IGSF5: variants seen among roughly 807,000 people sequenced by gnomAD.
The protein encoded by IGSF5 is immunoglobulin superfamily 5 like.
IGSF5 carries 41 observed loss-of-function variants against 39.4 expected under a neutral mutation model. The ratio of observed to expected loss-of-function variants is 1.04; its 90% CI spans 0.81 to 1.35. The LOEUF (loss-of-function observed/expected upper bound fraction) is 1.35, where lower values mean the gene tolerates loss of function less well. Ranked by LOEUF, IGSF5 falls within the 40% of genes most tolerant of loss-of-function variation. The pLI, the probability that IGSF5 is intolerant of heterozygous loss-of-function variation, is 0.00. For synonymous variants in IGSF5, 183 were observed against 175.3 expected (o/e 1.04, Z -0.34); for missense variants, 487 against 494.6 (o/e 0.98, Z 0.15).
intron 6 of IGSF5, chr21:39,791,765 A>G: frequency 2.5e-6 from 1 of 405,872 alleles, no homozygotes; most frequent in Non-Finnish European, 4.5e-6. Flanking sequence ...TTGAGTAACA[A>G]CTGGGGAGTA....
intron 1 of IGSF5, among the ~76,000 whole-genome samples, 165 bp from the exon 2 acceptor site, chr21:39,746,051 T>G (rs562501030): frequency 5.3e-4 from 81 of 152,178 alleles, no homozygotes; most frequent in Non-Finnish European, 9.7e-4. Context: ...GGCCATGCGG[T>G]GAGTGTTATA....
intron 3 of IGSF5, among the ~76,000 whole-genome samples, chr21:39,767,723 T>C (rs923841116): frequency 1.3e-5 from 2 of 152,290 alleles, no homozygotes; most frequent in South Asian, 2.1e-4. Context: ...ATAATGCAAG[T>C]TGCACAAATA....
the IGSF5 span, among the ~76,000 whole-genome samples, chr21:39,732,685 T>A: frequency 6.6e-6 from 1 of 152,146 alleles, no homozygotes; most frequent in Admixed American, 6.5e-5. Context: ...AAGTGAGAAA[T>A]GTTTTGACAT....
At chr21:39,793,107 T>C (rs2086975174) in intron 7 of IGSF5, among the ~76,000 whole-genome samples, 2 of 152,246 alleles carry the variant, frequency 1.3e-5, no homozygotes, top group Non-Finnish European at 2.9e-5. Flanking sequence ...TTTCCTTTGA[T>C]AATCTGACCA....
chr21:39,742,350 C>A (rs929362275), upstream of IGSF5, among the ~76,000 whole-genome samples: 1 of 152,136 alleles, frequency 6.6e-6, no homozygotes, highest in Admixed American at 6.6e-5. Flanking sequence ...TCCTAGGACC[C>A]CTCGGATAGT....
At chr21:39,745,614 C>G in intron 1 of IGSF5, 88 bp downstream of exon 1, 1 of 693,514 alleles carries the variant, frequency 1.4e-6, no homozygotes. Context: ...GTTGGGACGA[C>G]AGCTTTCTGC....
At chr21:39,748,729 G>T in intron 2 of IGSF5, among the ~76,000 whole-genome samples, 1 of 152,162 alleles carries the variant, frequency 6.6e-6, no homozygotes, top group East Asian at 1.9e-4. Flanking sequence ...ATAGAAGCTA[G>T]AAAATAATGT....
chr21:39,793,626 AT>A lies in IGSF5; in HGVS notation c.1128+17del. 1.2e-6 allele frequency: 2 copies of A among 1,605,862 alleles called. No homozygotes were observed. The highest frequency in any genetic ancestry group is 1.7e-6 in the Non-Finnish European group (2 of 1,174,940). On this transcript the variant is annotated intron_variant, in intron 8 of 8. Coordinates refer to ENST00000380588, the MANE Select transcript of IGSF5 (RefSeq NM_001080444.2). ...CCCTCCTCACCAGGTAGTTTAGACC[AT>A]TTTCCCCCTTTTTGGACTTTTTTGG...
chr21:39,783,778 C>A (rs1212431250), intron 5 of IGSF5, among the ~76,000 whole-genome samples: 2 of 152,166 alleles, frequency 1.3e-5, no homozygotes, highest in African/African-American at 2.4e-5. Context: ...GAAGACTTAG[C>A]CATAAAATCT....
Position 39,765,761 on chromosome 21 carries a change from C to T in IGSF5, c.327C>T (p.Ile109=). 1 of 1,614,110 alleles carries T rather than the reference C, an allele frequency of 6.2e-7. No individual in the cohort carries two copies. The highest frequency in any genetic ancestry group is 8.5e-7 in the Non-Finnish European group (1 of 1,180,004). Residue 109 remains isoleucine, a synonymous_variant, in exon 3 of 9, where the codon ATC becomes ATT. Coordinates refer to ENST00000380588, the MANE Select transcript of IGSF5 (RefSeq NM_001080444.2). The part of the protein sequence containing the change: ...DQGGNFTSEM[I]IHNVEPSDSG... ...GCGGGAACTTCACCTCGGAGATGAT[C>T]ATCCACAATGTGGAGCCCAGTGATT...
At chr21:39,785,339 T>G (rs2080194636) in intron 5 of IGSF5, among the ~76,000 whole-genome samples, 1 of 152,274 alleles carries the variant, frequency 6.6e-6, no homozygotes, top group Admixed American at 6.5e-5. Context: ...CTTGTTTTTG[T>G]CAGGTTTGTC....
chr21:39,714,796 A>G, the IGSF5 span, among the ~76,000 whole-genome samples: 285 of 152,366 alleles, frequency 1.9e-3, no homozygotes, highest in Middle Eastern at 0.01. Flanking sequence ...AACTCATTAC[A>G]TCTGCAATGA....
At chr21:39,756,191 G>A (rs927916100) in intron 2 of IGSF5, among the ~76,000 whole-genome samples, 4 of 152,228 alleles carry the variant, frequency 2.6e-5, no homozygotes, top group Middle Eastern at 3.2e-3. Flanking sequence ...AAAGACCTCA[G>A]AGAAACAAAG....
Position 39,765,591 on chromosome 21 carries a change from G to A in IGSF5, c.157G>A (p.Gly53Ser), listed in dbSNP as rs1269255617. 3.1e-6 allele frequency: 5 copies of A among 1,614,112 alleles called. No individual in the cohort carries two copies. Among genetic ancestry groups the A allele is most frequent in the South Asian group, 1.1e-5 (1 of 91,072 alleles). ...EGPQNARVLK[G>S]SQARFNCTVS... ...CCCCCAAAATGCAAGAGTCCTGAAG[G>A]GCTCCCAGGCTCGCTTCAACTGCAC... The change falls in exon 3 of 9, where the codon GGC becomes AGC. Residue 53 changes from glycine (G) to serine (S), a missense_variant. By Grantham distance (56) the Gly-to-Ser change is moderately conservative. Coordinates refer to ENST00000380588, the MANE Select transcript of IGSF5 (RefSeq NM_001080444.2).
At chr21:39,794,202 A>T (rs1348795611) in intron 8 of IGSF5, among the ~76,000 whole-genome samples, 1 of 152,222 alleles carries the variant, frequency 6.6e-6, no homozygotes, top group Non-Finnish European at 1.5e-5. Flanking sequence ...TATGGCCAGA[A>T]CGGCTAAGAG....
chr21:39,761,176 A>G (rs1601126220), intron 2 of IGSF5, among the ~76,000 whole-genome samples: 1 of 152,246 alleles, frequency 6.6e-6, no homozygotes, highest in East Asian at 1.9e-4. Context: ...TATTCAATAA[A>G]TGGTGCTGGG....
At chr21:39,736,617 G>A in the IGSF5 span, among the ~76,000 whole-genome samples, 1 of 152,322 alleles carries the variant, frequency 6.6e-6, no homozygotes, top group Non-Finnish European at 1.5e-5. Flanking sequence ...TCTTGCCCCA[G>A]TGTGGCCTCT....
the IGSF5 span, among the ~76,000 whole-genome samples, chr21:39,738,471 G>A: frequency 6.6e-6 from 1 of 151,522 alleles, no homozygotes; most frequent in Non-Finnish European, 1.5e-5. This position sits in a 1 kb window ranked among gnomAD's most constrained non-coding sequence, Gnocchi z 6.4. Flanking sequence ...CATATCAGCT[G>A]GCAACTGTGA....
chr21:39,768,311 A>G (rs1303463155), intron 3 of IGSF5, among the ~76,000 whole-genome samples: 3 of 152,212 alleles, frequency 2.0e-5, no homozygotes, highest in South Asian at 2.1e-4. Flanking sequence ...GGAAACAACC[A>G]TGAATTATTC....
Sources: gnomAD v4.1 joint callset for allele counts (sites outside exome capture counted in the v4.1 genomes callset) on GRCh38, gnomAD v4.1.1 for gene constraint, Gnocchi (gnomAD v3.1) non-coding constraint, MANE v1.5 for transcripts, NCBI Gene and HGNC (gene_info 2026-07-23, HGNC 2026-07-21) for gene names.